The following TENM2 variants were observed in gnomAD, a reference collection of about 807,000 sequenced individuals.
TENM2 encodes the protein teneurin transmembrane protein 2.
A neutral mutation model predicts 245.2 loss-of-function variants in TENM2; 52 were observed. The ratio of observed to expected loss-of-function variants is 0.21; its 90% CI spans 0.17 to 0.27. The LOEUF (loss-of-function observed/expected upper bound fraction) is 0.27, where lower values mean the gene tolerates loss of function less well. Ranked by LOEUF, TENM2 falls within the 10% of genes least tolerant of loss-of-function variation. The pLI is 1.00. For missense variants in TENM2, 3,046 were observed against 3,666.8 expected, an observed-to-expected ratio of 0.83 and a Z score of 4.37; for synonymous variants, 1,363 against 1,438.9, an observed-to-expected ratio of 0.95 and a Z score of 1.19.
chr5:167,012,848 T>TTG, the TENM2 span, among the ~76,000 whole-genome samples: 1 of 148,392 alleles, frequency 6.7e-6, no homozygotes, highest in African/African-American at 2.5e-5. Flanking sequence ...GTGTGTGTGT[T>TTG]TGTGTGTGTG....
intron 2 of TENM2, among the ~76,000 whole-genome samples, chr5:167,556,644 T>G (rs1419292514): frequency 6.6e-6 from 1 of 152,162 alleles, no homozygotes; most frequent in African/African-American, 2.4e-5. Flanking sequence ...GATAGTTCTC[T>G]AGCCACCATA....
intron 5 of TENM2, among the ~76,000 whole-genome samples, chr5:168,016,931 A>G (rs61027918): frequency 0.16 from 24,165 of 152,258 alleles, 2,096 homozygotes; most frequent in Admixed American, 0.26. Flanking sequence ...AAAGTGCTCA[A>G]TGATTGTTAG....
At chr5:167,688,424 CA>C (rs1252236533) in intron 2 of TENM2, among the ~76,000 whole-genome samples, 2 of 152,186 alleles carry the variant, frequency 1.3e-5, no homozygotes, top group Non-Finnish European at 2.9e-5. Context: ...ATGTAGACTG[CA>C]CCACAATGGA....
intron 2 of TENM2, among the ~76,000 whole-genome samples, chr5:167,601,987 G>A (rs1465954315): frequency 9.3e-5 from 14 of 150,516 alleles, no homozygotes; most frequent in Non-Finnish European, 4.4e-5. Context: ...GAAAGGGAGA[G>A]AGAAGAAAGG....
At chr5:166,999,978 C>T in the TENM2 span, among the ~76,000 whole-genome samples, 1 of 152,082 alleles carries the variant, frequency 6.6e-6, no homozygotes, top group Non-Finnish European at 1.5e-5. Context: ...AAAGTGCCAA[C>T]AGAGGAGACC....
intron 2 of TENM2, among the ~76,000 whole-genome samples, chr5:167,658,151 G>T (rs2150312919): frequency 6.6e-6 from 1 of 151,856 alleles, no homozygotes; most frequent in African/African-American, 2.4e-5. Context: ...GTCTGATGAG[G>T]ACCTTCTTGC....
At chr5:167,919,002 C>T (rs954903476) in intron 3 of TENM2, among the ~76,000 whole-genome samples, 2 of 152,108 alleles carry the variant, frequency 1.3e-5, no homozygotes, top group African/African-American at 2.4e-5. Context: ...CATATGACTC[C>T]GTGTGTGCAC....
intron 2 of TENM2, among the ~76,000 whole-genome samples, chr5:167,817,346 ATTTG>A (rs770345543): frequency 2.4e-4 from 37 of 152,310 alleles, no homozygotes; most frequent in Admixed American, 9.8e-4. Flanking sequence ...GATATCTTTT[ATTTG>A]TTTATACAGA....
the TENM2 span, among the ~76,000 whole-genome samples, chr5:167,261,514 A>T: frequency 6.6e-6 from 1 of 152,070 alleles, no homozygotes; most frequent in Non-Finnish European, 1.5e-5. Context: ...CATCATCATC[A>T]TCTTCTTCAT....
intron 3 of TENM2, among the ~76,000 whole-genome samples, chr5:167,924,081 T>C (rs1001192668): frequency 2.6e-5 from 4 of 152,286 alleles, no homozygotes; most frequent in East Asian, 1.9e-4. Context: ...TTCTGTTTTC[T>C]TATTGCTTAA....
At chr5:167,187,367 C>T in the TENM2 span, among the ~76,000 whole-genome samples, 4 of 152,100 alleles carry the variant, frequency 2.6e-5, no homozygotes, top group African/African-American at 9.7e-5. Flanking sequence ...GGGCATTGGC[C>T]CAAAGAGCAA....
intron 2 of TENM2, among the ~76,000 whole-genome samples, chr5:167,546,771 T>A (rs1408110919): frequency 3.3e-5 from 5 of 152,198 alleles, no homozygotes; most frequent in African/African-American, 4.8e-5. Flanking sequence ...CCATGGGCTC[T>A]TGGCTTTCTT....
chr5:167,425,265 T>C (rs1183966179), intron 2 of TENM2, among the ~76,000 whole-genome samples: 1 of 152,312 alleles, frequency 6.6e-6, no homozygotes, highest in Admixed American at 6.5e-5. Context: ...TCCAATAAAC[T>C]GGAAGAAAAA....
rs545125262 is a variant in TENM2, at chr5:167,476,120, C to T, written c.502+100647C>T. 7.2e-5 allele frequency among the ~76,000 whole-genome samples: 11 copies of T among 152,296 alleles called. 1 individual carries two copies. The highest frequency in any genetic ancestry group is 2.6e-4 in the African/African-American group (11 of 41,570). On this transcript the variant is annotated intron_variant, in intron 2 of 28. Transcript: ENST00000518659. The stretch of plus-strand genomic sequence containing the variant: ...GAAGTATATGAAGAAAATCCAGCTT[C>T]ATACAGATATATAGATTGAAAATGG...
At chr5:167,562,625 C>G in intron 2 of TENM2, among the ~76,000 whole-genome samples, 1 of 152,130 alleles carries the variant, frequency 6.6e-6, no homozygotes, top group Non-Finnish European at 1.5e-5. Context: ...GTGAAGTATT[C>G]AAATGGAAGC....
At chr5:168,179,466 A>G (rs1759660646) in intron 13 of TENM2, among the ~76,000 whole-genome samples, 1 of 152,246 alleles carries the variant, frequency 6.6e-6, no homozygotes, top group Non-Finnish European at 1.5e-5. Context: ...AGGGCTGGCC[A>G]AAACATTCTG....
At chr5:167,504,721 T>C (rs1361449089) in intron 2 of TENM2, among the ~76,000 whole-genome samples, 2 of 152,216 alleles carry the variant, frequency 1.3e-5, no homozygotes, top group Non-Finnish European at 2.9e-5. Context: ...GATCTGTCTT[T>C]AGTTTTGTTC....
chr5:168,181,865 C>T (rs554420995), intron 13 of TENM2, among the ~76,000 whole-genome samples: 16 of 151,822 alleles, frequency 1.1e-4, no homozygotes, highest in Admixed American at 3.3e-4. Flanking sequence ...TTAGTAGAGA[C>T]GGGGTTTCAT....
the TENM2 span, among the ~76,000 whole-genome samples, chr5:167,273,029 C>G: frequency 1.3e-5 from 2 of 152,174 alleles, no homozygotes; most frequent in Non-Finnish European, 2.9e-5. Flanking sequence ...CACACTTTCA[C>G]ACACATATCT....
Sources: allele counts gnomAD v4.1 joint callset (sites outside exome capture counted in the v4.1 genomes callset), GRCh38; gene constraint gnomAD v4.1.1; transcripts MANE v1.5; gene names NCBI Gene and HGNC (gene_info 2026-07-23, HGNC 2026-07-21).